Variants in FAM107B observed in about 807,000 individuals in gnomAD.
FAM107B encodes family with sequence similarity 107 member B.
A neutral mutation model predicts 31.5 loss-of-function variants in FAM107B; 21 were observed. The ratio of observed to expected loss-of-function variants is 0.67; its 90% CI spans 0.47 to 0.96. The LOEUF is 0.96. Ranked by LOEUF, FAM107B falls within the 40% of genes least tolerant of loss-of-function variation. The pLI is 0.00. For missense variants in FAM107B, 452 were observed against 377.1 expected, an observed-to-expected ratio of 1.20 and a Z score of -1.64; for synonymous variants, 157 against 141.5, an observed-to-expected ratio of 1.11 and a Z score of -0.78.
intron 2 of FAM107B, among the ~76,000 whole-genome samples, chr10:14,568,088 A>G (rs2131232277): frequency 6.6e-6 from 1 of 152,336 alleles, no homozygotes; most frequent in South Asian, 2.1e-4. Context: ...GGAACGAATG[A>G]GGAGCTACGA....
chr10:14,569,849 C>T (rs1341441732), intron 2 of FAM107B, among the ~76,000 whole-genome samples: 5 of 152,238 alleles, frequency 3.3e-5, no homozygotes, highest in Admixed American at 3.3e-4. Context: ...GAGAGCTTCA[C>T]AGGTGTCAAC....
At chr10:14,557,966 T>A (rs1200377750) in intron 2 of FAM107B, among the ~76,000 whole-genome samples, 5 of 152,240 alleles carry the variant, frequency 3.3e-5, no homozygotes, top group African/African-American at 1.2e-4. Flanking sequence ...TCTTCCTGAT[T>A]TGGAGTCAGG....
At chr10:14,546,818 A>G (rs944683884) in intron 2 of FAM107B, among the ~76,000 whole-genome samples, 5 of 152,072 alleles carry the variant, frequency 3.3e-5, no homozygotes, top group African/African-American at 1.2e-4. Flanking sequence ...TGACAACCTG[A>G]CCCCCATATT....
intron 1 of FAM107B, among the ~76,000 whole-genome samples, chr10:14,712,626 A>AAAAAAAG (rs1554851690): frequency 2.0e-4 from 29 of 146,952 alleles, no homozygotes; most frequent in South Asian, 1.1e-3. Flanking sequence ...AACAAAAAAA[A>AAAAAAAG]AAGAAGAAGA....
At chr10:14,733,927 A>G (rs1184141959) in intron 1 of FAM107B, among the ~76,000 whole-genome samples, 1 of 152,190 alleles carries the variant, frequency 6.6e-6, no homozygotes, top group Non-Finnish European at 1.5e-5. Context: ...TGTCCTTGAA[A>G]AGAGTTTCTG....
intron 2 of FAM107B, among the ~76,000 whole-genome samples, chr10:14,575,278 A>G (rs1459847192): frequency 6.6e-6 from 1 of 151,628 alleles, no homozygotes; most frequent in African/African-American, 2.4e-5. Flanking sequence ...CTCTTGGCTC[A>G]CTGCAGCCTC....
At chr10:14,764,947 G>A (rs767285478) in intron 1 of FAM107B, among the ~76,000 whole-genome samples, 3 of 152,186 alleles carry the variant, frequency 2.0e-5, no homozygotes, top group South Asian at 2.1e-4. Context: ...AGGCACTCTA[G>A]GCCACTGCCG....
chr10:14,545,402 C>T (rs1208203395), intron 2 of FAM107B, among the ~76,000 whole-genome samples: 2 of 152,190 alleles, frequency 1.3e-5, no homozygotes, highest in Non-Finnish European at 2.9e-5. Context: ...TGGGCTCTAT[C>T]ACTAACATCC....
At chr10:14,748,761 G>A (rs553111704) in intron 1 of FAM107B, among the ~76,000 whole-genome samples, 3 of 152,198 alleles carry the variant, frequency 2.0e-5, no homozygotes, top group Non-Finnish European at 2.9e-5. Context: ...TAATTCTCCA[G>A]TGTCCTGGTG....
intron 1 of FAM107B, among the ~76,000 whole-genome samples, chr10:14,768,697 A>G (rs1180919958): frequency 2.0e-5 from 3 of 152,234 alleles, no homozygotes; most frequent in Admixed American, 6.5e-5. Context: ...TTTTATCACA[A>G]TAAAATGAAT....
chr10:14,565,325 G>C (rs1416964098), intron 2 of FAM107B, among the ~76,000 whole-genome samples: 9 of 152,184 alleles, frequency 5.9e-5, no homozygotes, highest in African/African-American at 1.9e-4. Context: ...CAGAAGTCCA[G>C]GGAGAGCATT....
At chr10:14,590,304 A>G (rs1215781844) in intron 2 of FAM107B, among the ~76,000 whole-genome samples, 1 of 152,226 alleles carries the variant, frequency 6.6e-6, no homozygotes, top group East Asian at 1.9e-4. Flanking sequence ...CATGATTTAT[A>G]TGAAATCAAG....
intron 2 of FAM107B, among the ~76,000 whole-genome samples, chr10:14,628,052 T>C (rs1009088663): frequency 1.3e-4 from 19 of 151,902 alleles, no homozygotes; most frequent in Admixed American, 2.0e-4. Flanking sequence ...AGAATAGTTA[T>C]GCTGGAAGTC....
chr10:14,700,063 G>T (rs1855359102), intron 1 of FAM107B, among the ~76,000 whole-genome samples: 1 of 152,120 alleles, frequency 6.6e-6, no homozygotes, highest in South Asian at 2.1e-4. Flanking sequence ...CTCCCGAGTA[G>T]CTGGGATTAC....
rs1444317948 is a variant in FAM107B, at chr10:14,528,177, T to TTG, written c.653+2154_653+2155insCA. The stretch of plus-strand genomic sequence containing the variant: ...CTATTATTTACTTTAAGTTTTGGTT[T>TTG]TTTTTTTTTTTTTTTTTTTTTAGAG... On this transcript the variant is annotated intron_variant, in intron 3 of 4. Transcript: ENST00000181796. 6 of 116,484 alleles carry TTG rather than the reference T, an allele frequency of 5.2e-5. No individual in the cohort carries two copies. The Admixed American group carries it at 5.2e-4, about 10-fold the overall frequency. The allele number at this position is 116,484 out of a possible 1,614,324, so 7.2% of individuals were successfully genotyped here. A position where few individuals can be genotyped will look rare whatever the true frequency, so the allele number is the denominator to read the frequency against.
At chr10:14,611,487 TATATATATATATATATATATATATATA>T (rs1852724253) in intron 2 of FAM107B, among the ~76,000 whole-genome samples, 2 of 5,818 alleles carry the variant, frequency 3.4e-4, no homozygotes, top group Non-Finnish European at 1.3e-3. Context: ...GCCAGTTTTA[TATATATATATATATATATATATATATA>T]TATATATATA....
intron 1 of FAM107B, among the ~76,000 whole-genome samples, chr10:14,669,307 T>C (rs771312479): frequency 2.7e-4 from 40 of 147,238 alleles, no homozygotes; most frequent in Admixed American, 8.4e-4. Context: ...GAGGTGGAGG[T>C]TGCCGTGAGC....
At chr10:14,643,109 G>GTAGGTAGA (rs1853669348) in intron 2 of FAM107B, among the ~76,000 whole-genome samples, 3 of 151,342 alleles carry the variant, frequency 2.0e-5, no homozygotes, top group South Asian at 4.2e-4. Flanking sequence ...AGATAGGTAG[G>GTAGGTAGA]TAGGTAGGTA....
intron 2 of FAM107B, among the ~76,000 whole-genome samples, chr10:14,614,323 G>A (rs1157961316): frequency 6.6e-6 from 1 of 152,088 alleles, no homozygotes; most frequent in Admixed American, 6.5e-5. Flanking sequence ...ACTGAGGCCT[G>A]TGCCCAGGGC....
Sources: gnomAD v4.1 joint callset for allele counts (sites outside exome capture counted in the v4.1 genomes callset) on GRCh38, gnomAD v4.1.1 for gene constraint, MANE v1.5 for transcripts, NCBI Gene and HGNC (gene_info 2026-07-23, HGNC 2026-07-21) for gene names.